The following SLC35A3 variants were observed in gnomAD, a reference collection of about 807,000 sequenced individuals.
The protein encoded by SLC35A3 is solute carrier family 35 member A3, also known as UDP-N-acetylglucosamine transporter.
Under a neutral mutation model 39.0 loss-of-function variants are expected in SLC35A3, and 26 were observed. The ratio of observed to expected loss-of-function variants is 0.67; its 90% CI spans 0.49 to 0.92. The LOEUF (loss-of-function observed/expected upper bound fraction) is 0.92. Ranked by LOEUF, SLC35A3 falls within the 40% of genes least tolerant of loss-of-function variation. The pLI is 0.00. For missense variants in SLC35A3, 299 were observed against 371.6 expected, an observed-to-expected ratio of 0.80 and a Z score of 1.61; for synonymous variants, 135 against 133.1, an observed-to-expected ratio of 1.01 and a Z score of -0.10.
intron 5 of SLC35A3, among the ~76,000 whole-genome samples, chr1:100,013,701 T>TA (rs1232387537): frequency 6.6e-6 from 1 of 151,604 alleles, no homozygotes. Context: ...TACACACACA[T>TA]ACCTATTTTA....
intron 1 of SLC35A3, among the ~76,000 whole-genome samples, chr1:99,992,476 G>C (rs1658150564): frequency 2.0e-5 from 3 of 151,826 alleles, no homozygotes; most frequent in Admixed American, 2.0e-4. Context: ...AAGTCTCCTG[G>C]AGTAATACTG....
chr1:99,979,526 C>T (rs780494189), intron 1 of SLC35A3, among the ~76,000 whole-genome samples: 2 of 151,026 alleles, frequency 1.3e-5, no homozygotes, highest in African/African-American at 4.9e-5. Flanking sequence ...CTCCACCTCC[C>T]GGGTTCATGC....
At chr1:99,984,698 C>T (rs938452317) in intron 1 of SLC35A3, among the ~76,000 whole-genome samples, 1 of 152,182 alleles carries the variant, frequency 6.6e-6, no homozygotes, top group African/African-American at 2.4e-5. Flanking sequence ...ACATTCCAGC[C>T]AGCAGTGTAA....
chr1:99,978,051 T>C (rs1657224630), intron 1 of SLC35A3, among the ~76,000 whole-genome samples: 1 of 152,216 alleles, frequency 6.6e-6, no homozygotes, highest in Admixed American at 6.5e-5. Context: ...AATAGTCTAG[T>C]AGGGACAGAG....
chr1:100,000,646 G>A (rs1359936271), intron 3 of SLC35A3: 2 of 151,776 alleles, frequency 1.3e-5, no homozygotes, highest in East Asian at 3.9e-4. Flanking sequence ...TTAAAATATG[G>A]AACACTTCAT....
In SLC35A3 at chr1:100,023,206, A is replaced by G. The variant is rs1660672191; in HGVS notation, c.*730A>G. Reference sequence around the variant, plus strand: ...ATGGTAGCCAGAGAATTTTATAGTAATGGAGGTTAGCCCTTAATCTCTTCA... The same window carrying G: ...ATGGTAGCCAGAGAATTTTATAGTAGTGGAGGTTAGCCCTTAATCTCTTCA... On this transcript the variant is annotated 3_prime_UTR_variant, in exon 8 of 8. Transcript: ENST00000533028. The G allele has an allele frequency of 6.6e-6, 1 of 152,190 alleles. No homozygotes were observed. Among genetic ancestry groups the G allele is most frequent in the Admixed American group, 6.5e-5 (1 of 15,280 alleles). 9.4% of individuals were successfully genotyped at this position (152,190 alleles called of 1,614,324 possible).
chr1:100,009,515 G>A (rs563682439), intron 4 of SLC35A3: 2 of 152,388 alleles, frequency 1.3e-5, no homozygotes, highest in African/African-American at 4.8e-5. Context: ...GACTGCTTTT[G>A]GCTGTAAGGG....
Position 100,023,164 on chromosome 1 carries a change from A to T in SLC35A3, c.*688A>T, listed in dbSNP as rs1244723377. The T allele has an allele frequency of 6.6e-6, 1 of 152,214 alleles. No homozygotes were observed. The highest frequency in any genetic ancestry group is 6.5e-5 in the Admixed American group (1 of 15,286). The allele number at this position is 152,214 out of a possible 1,614,324, so 9.4% of individuals were successfully genotyped here. ...GCTTCAAGACTGCTGAAAGCAATCC[A>T]GTTGCTCCTGTGCTAGATGGTAGCC... On this transcript the variant is annotated 3_prime_UTR_variant, in exon 8 of 8. Transcript: ENST00000533028.
intron 3 of SLC35A3, among the ~76,000 whole-genome samples, chr1:100,000,297 C>T (rs1313969846): frequency 6.6e-6 from 1 of 152,018 alleles, no homozygotes; most frequent in African/African-American, 2.4e-5. Flanking sequence ...TGATATGTCA[C>T]TGTGGTCTTG....
At chr1:99,993,952 A>C (rs1052465005) in intron 2 of SLC35A3, among the ~76,000 whole-genome samples, 1 of 152,104 alleles carries the variant, frequency 6.6e-6, no homozygotes, top group Admixed American at 6.5e-5. Flanking sequence ...TAATTCTGTA[A>C]ATATAAAATA....
intron 2 of SLC35A3, among the ~76,000 whole-genome samples, chr1:99,997,550 TTA>T (rs962894681): frequency 2.8e-5 from 4 of 145,260 alleles, no homozygotes; most frequent in African/African-American, 1.0e-4. Context: ...AATATATATA[TTA>T]TATATATTAT....
At position 100,031,176 on chromosome 1, in the gene SLC35A3, TCATG is replaced by T. The variant is rs776653932; in HGVS notation, c.*8701_*8704del. On this transcript the variant is annotated 3_prime_UTR_variant, in exon 8 of 8. Transcript: ENST00000533028. ...TTGTGCCAATTTAGCTTTAAAAAAC[TCATG>T]GGCTACCTCCATGAACTCACACATG... 7 of 152,216 alleles carry T rather than the reference TCATG, an allele frequency of 4.6e-5. No homozygotes were observed. The highest frequency in any genetic ancestry group is 1.0e-4 in the Non-Finnish European group (7 of 68,036). The allele number at this position is 152,216 out of a possible 1,614,324, so 9.4% of individuals were successfully genotyped here.
intron 2 of SLC35A3, among the ~76,000 whole-genome samples, chr1:99,997,410 T>TTA (rs71970416): frequency 0.011 from 1,026 of 91,350 alleles, 47 homozygotes; most frequent in Non-Finnish European, 0.014. Flanking sequence ...ATATATAGTT[T>TTA]TATATATATA....
intron 2 of SLC35A3, among the ~76,000 whole-genome samples, chr1:99,997,557 T>C: frequency 6.9e-6 from 1 of 145,860 alleles, no homozygotes; most frequent in East Asian, 2.0e-4. Context: ...ATATTATATA[T>C]ATTATATATT....
intron 4 of SLC35A3, chr1:100,009,424 A>G (rs1659466595): frequency 6.6e-6 from 1 of 152,234 alleles, no homozygotes; most frequent in Non-Finnish European, 1.5e-5. Context: ...TGACAAAGAT[A>G]TGGCGAGAGA....
intron 4 of SLC35A3, among the ~76,000 whole-genome samples, chr1:100,010,619 G>A (rs1222811323): frequency 1.3e-5 from 2 of 152,252 alleles, no homozygotes; most frequent in East Asian, 3.9e-4. Context: ...AGCCCAGGGA[G>A]GTTGAGGCTG....
rs574333514 is a variant in SLC35A3, at chr1:100,007,039, G to A, written c.348G>A (p.Thr116=). ...SNLDAATYQV[T]YQLKILTTAL... ...ATTACTGTTTTCTTTTTCAGGTCAC[G>A]TATCAGTTAAAAATTCTTACAACAG... The change falls in exon 4 of 8, where the codon ACG becomes ACA. Residue 116 remains threonine (T), a synonymous_variant. Coordinates refer to ENST00000533028, the MANE Select transcript of SLC35A3 (RefSeq NM_012243.3). 231 of 1,604,392 alleles carry A rather than the reference G, an allele frequency of 1.4e-4. 1 individual carries two copies. In the South Asian group the frequency reaches 1.8e-3, roughly 13 times the overall value.
intron 1 of SLC35A3, among the ~76,000 whole-genome samples, chr1:99,987,239 T>A (rs920711203): frequency 5.3e-5 from 8 of 152,224 alleles, no homozygotes; most frequent in Middle Eastern, 3.2e-3. Context: ...GAAATTATAT[T>A]AGATGATTTC....
intron 1 of SLC35A3, among the ~76,000 whole-genome samples, chr1:99,987,069 G>C (rs931931697): frequency 6.6e-6 from 1 of 152,172 alleles, no homozygotes; most frequent in Admixed American, 6.5e-5. Context: ...CTTCCATATA[G>C]AGATAAAGGC....
Sources: gnomAD v4.1 joint callset for allele counts (sites outside exome capture counted in the v4.1 genomes callset) on GRCh38, gnomAD v4.1.1 for gene constraint, MANE v1.5 for transcripts, NCBI Gene and HGNC (gene_info 2026-07-23, HGNC 2026-07-21) for gene names.